The following ADIPOR2 variants were observed in gnomAD, a reference collection of about 807,000 sequenced individuals.
The protein encoded by ADIPOR2 is adiponectin receptor 2, also known as adiponectin receptor protein 2.
A neutral mutation model predicts 40.9 loss-of-function variants in ADIPOR2; 18 were observed. The observed-to-expected ratio is 0.44, with a 90% CI of 0.30 to 0.65. ADIPOR2 has a LOEUF of 0.65. Ranked by LOEUF, ADIPOR2 falls within the 30% of genes least tolerant of loss-of-function variation. The probability of loss-of-function intolerance (pLI) is 0.09; values close to 1 mark genes in which losing one functional copy is unlikely to be tolerated. For synonymous variants in ADIPOR2, 165 were observed against 166.4 expected, an observed-to-expected ratio of 0.99 and a Z score of 0.06; for missense variants, 283 against 479.2, an observed-to-expected ratio of 0.59 and a Z score of 3.82.
At chr12:1,738,067 A>G (rs1204966093) in intron 1 of ADIPOR2, among the ~76,000 whole-genome samples, 1 of 151,946 alleles carries the variant, frequency 6.6e-6, no homozygotes, top group East Asian at 1.9e-4. Flanking sequence ...TTGTACTCCT[A>G]CCTTATTAGT....
At chr12:1,724,984 A>G (rs563234869) in intron 1 of ADIPOR2, among the ~76,000 whole-genome samples, 157 of 152,312 alleles carry the variant, frequency 1.0e-3, no homozygotes, top group Non-Finnish European at 1.9e-3. Flanking sequence ...GACTATTAAG[A>G]GTCACTCTAT....
chr12:1,768,650 T>A lies in ADIPOR2; in HGVS notation c.172-4192T>A, dbSNP rs1326498274. Among the ~76,000 whole-genome samples, 4 of 152,354 alleles carry A rather than the reference T, an allele frequency of 2.6e-5. No homozygotes were observed. The East Asian group carries it at 5.8e-4, about 22-fold the overall frequency. ...GAATTATTTTCATATTAGACTGATC[T>A]TAAAGACCTTTTATCTTTATCACTA... On this transcript the variant is annotated intron_variant, in intron 2 of 7. Coordinates refer to ENST00000357103, the MANE Select transcript of ADIPOR2 (RefSeq NM_024551.3).
At chr12:1,708,971 A>G (rs541422984) in intron 1 of ADIPOR2, among the ~76,000 whole-genome samples, 8 of 152,132 alleles carry the variant, frequency 5.3e-5, no homozygotes, top group East Asian at 3.9e-4. Flanking sequence ...CCACCTGCCT[A>G]TACCTCCCAA....
intron 1 of ADIPOR2, among the ~76,000 whole-genome samples, chr12:1,717,660 G>A (rs1411146079): frequency 3.3e-5 from 5 of 151,934 alleles, no homozygotes; most frequent in Non-Finnish European, 5.9e-5. Context: ...AGCTGAGATC[G>A]TGCCATTGTA....
At chr12:1,766,878 C>T (rs1862391036) in intron 2 of ADIPOR2, among the ~76,000 whole-genome samples, 1 of 152,148 alleles carries the variant, frequency 6.6e-6, no homozygotes, top group Non-Finnish European at 1.5e-5. Context: ...TCAAGAATGC[C>T]ACTATATAAT....
At chr12:1,731,958 G>A (rs910959602) in intron 1 of ADIPOR2, among the ~76,000 whole-genome samples, 3 of 150,892 alleles carry the variant, frequency 2.0e-5, no homozygotes, top group African/African-American at 7.3e-5. Context: ...AGTGAGACTT[G>A]GTCTGAAAAC....
At chr12:1,730,748 G>C (rs899312349) in intron 1 of ADIPOR2, 1 of 152,040 alleles carries the variant, frequency 6.6e-6, no homozygotes, top group Non-Finnish European at 1.5e-5. Context: ...CATCAGTTGG[G>C]CTCATTAGCA....
chr12:1,753,019 A>G (rs534733442), intron 1 of ADIPOR2, among the ~76,000 whole-genome samples: 1 of 152,294 alleles, frequency 6.6e-6, no homozygotes, highest in East Asian at 1.9e-4. Flanking sequence ...TCCTACAGCA[A>G]ATTCACATGA....
At chr12:1,708,988 G>A (rs531895003) in intron 1 of ADIPOR2, among the ~76,000 whole-genome samples, 25 of 152,178 alleles carry the variant, frequency 1.6e-4, no homozygotes, top group Admixed American at 1.1e-3. Context: ...CCAAAGTGCT[G>A]GATTACATGT....
chr12:1,729,617 G>GTTTTTTTTTTTTTTTTTTTTTT (rs56921758), intron 1 of ADIPOR2, among the ~76,000 whole-genome samples: 1 of 88,986 alleles, frequency 1.1e-5, no homozygotes, highest in Non-Finnish European at 2.2e-5. Flanking sequence ...TCAGCCAGTT[G>GTTTTTTTTTTTTTTTTTTTTTT]TTTTTTTTTT....
chr12:1,767,269 C>CAAAA (rs61401998), intron 2 of ADIPOR2, among the ~76,000 whole-genome samples: 18 of 87,420 alleles, frequency 2.1e-4, no homozygotes, highest in East Asian at 3.2e-4. Context: ...AAGACTTCGT[C>CAAAA]AAAAAAAAAA....
chr12:1,784,781 G>A lies in ADIPOR2; in HGVS notation c.1032+708G>A, dbSNP rs937854567. 3.9e-5 allele frequency among the ~76,000 whole-genome samples: 6 copies of A among 152,252 alleles called. No individual in the cohort carries two copies. The South Asian group carries it at 8.3e-4, about 21-fold the overall frequency. On this transcript the variant is annotated intron_variant, in intron 7 of 7. Coordinates refer to ENST00000357103, the MANE Select transcript of ADIPOR2 (RefSeq NM_024551.3). Reference sequence around the variant, plus strand: ...AGATAGAAAAACTTATAACCAAAGAGGGCCTGAAATATTTTCAACAAGACA... The same window carrying A: ...AGATAGAAAAACTTATAACCAAAGAAGGCCTGAAATATTTTCAACAAGACA...
intron 2 of ADIPOR2, among the ~76,000 whole-genome samples, chr12:1,771,073 C>G (rs1384344569): frequency 6.6e-6 from 1 of 152,136 alleles, no homozygotes; most frequent in Non-Finnish European, 1.5e-5. Flanking sequence ...CCTGTAATCC[C>G]AACACACTGG....
At chr12:1,706,178 C>T (rs1334459565) in intron 1 of ADIPOR2, among the ~76,000 whole-genome samples, 1 of 116,104 alleles carries the variant, frequency 8.6e-6, no homozygotes, top group Non-Finnish European at 1.9e-5. Flanking sequence ...CGTTGTGTAA[C>T]CTTAGGGAGA....
intron 1 of ADIPOR2, among the ~76,000 whole-genome samples, chr12:1,724,780 TC>T: frequency 6.6e-6 from 1 of 152,240 alleles, no homozygotes; most frequent in Middle Eastern, 3.4e-3. Flanking sequence ...AGCCTCGACT[TC>T]CTGGACTCAA....
chr12:1,785,901 G>C (rs1227587466), intron 7 of ADIPOR2, 43 bp from the exon 8 acceptor site: 1 of 1,607,950 alleles, frequency 6.2e-7, no homozygotes, highest in East Asian at 2.2e-5. Flanking sequence ...TCTTAATAAT[G>C]TATGGGTTTC....
Position 1,716,363 on chromosome 12 carries a change from T to A in ADIPOR2, c.-87+25172T>A, listed in dbSNP as rs2094687633. On this transcript the variant is annotated intron_variant, in intron 1 of 7. Transcript: ENST00000357103. ...ACAAACCTTTGAAAATGTTTGTAGT[T>A]ATTAATATGACCAGAAACTGAAACT... 2.0e-5 allele frequency among the ~76,000 whole-genome samples: 3 copies of A among 152,294 alleles called. No individual in the cohort carries two copies. In the South Asian group the frequency reaches 6.2e-4, roughly 32 times the overall value.
intron 2 of ADIPOR2, among the ~76,000 whole-genome samples, chr12:1,771,447 A>G (rs1862492841): frequency 6.6e-6 from 1 of 152,126 alleles, no homozygotes; most frequent in Admixed American, 6.5e-5. Context: ...AGGTTGAGGA[A>G]CACGAGTTTA....
intron 1 of ADIPOR2, 31 bp downstream of exon 1, chr12:1,691,222 C>G (rs568350303): frequency 2.0e-4 from 30 of 153,762 alleles, no homozygotes; most frequent in African/African-American, 6.7e-4. Context: ...GGGTGAGGGT[C>G]TCTGGAGTGT....
Sources: allele counts gnomAD v4.1 joint callset (sites outside exome capture counted in the v4.1 genomes callset), GRCh38; gene constraint gnomAD v4.1.1; transcripts MANE v1.5; gene names NCBI Gene and HGNC (gene_info 2026-07-23, HGNC 2026-07-21).